Variants in AOPEP observed in about 807,000 individuals in gnomAD.
The protein encoded by AOPEP is aminopeptidase O.
AOPEP carries 77 observed loss-of-function variants against 98.1 expected under a neutral mutation model. The observed-to-expected ratio is 0.78, with a 90% CI of 0.65 to 0.95. The LOEUF is 0.95. Ranked by LOEUF, AOPEP falls within the 40% of genes least tolerant of loss-of-function variation. AOPEP has a pLI of 0.00. For synonymous variants in AOPEP, 346 were observed against 365.3 expected, an observed-to-expected ratio of 0.95 and a Z score of 0.60; for missense variants, 1,024 against 1,024.7, an observed-to-expected ratio of 1.00 and a Z score of 0.01.
At chr9:95,120,346 C>G in the AOPEP span, among the ~76,000 whole-genome samples, 2 of 152,086 alleles carry the variant, frequency 1.3e-5, no homozygotes, top group South Asian at 4.1e-4. Context: ...TATCTGGACT[C>G]AATTCTGATC....
At chr9:94,919,950 G>A (rs1461262937) in intron 5 of AOPEP, among the ~76,000 whole-genome samples, 4 of 152,172 alleles carry the variant, frequency 2.6e-5, no homozygotes, top group Admixed American at 2.6e-4. Flanking sequence ...GTACCAGCTT[G>A]ATAAATGTAA....
chr9:94,734,588 G>C (rs1436961682), intron 1 of AOPEP, among the ~76,000 whole-genome samples: 1 of 152,224 alleles, frequency 6.6e-6, no homozygotes, highest in Non-Finnish European at 1.5e-5. Context: ...GAACTCTACA[G>C]TGGATTTTAA....
chr9:95,121,992 G>A, the AOPEP span, among the ~76,000 whole-genome samples: 1 of 151,700 alleles, frequency 6.6e-6, no homozygotes, highest in African/African-American at 2.4e-5. Flanking sequence ...TGAGTAGCTG[G>A]GACTATAAGC....
At chr9:95,139,841 T>C in the AOPEP span, among the ~76,000 whole-genome samples, 1 of 147,030 alleles carries the variant, frequency 6.8e-6, no homozygotes, top group African/African-American at 2.5e-5. Context: ...TATTTATATA[T>C]ATATATATAT....
At chr9:94,770,226 G>A (rs1438470900) in intron 2 of AOPEP, among the ~76,000 whole-genome samples, 1 of 152,178 alleles carries the variant, frequency 6.6e-6, no homozygotes, top group Non-Finnish European at 1.5e-5. Context: ...GACCCATCCT[G>A]TTCTTCCTTT....
At chr9:94,794,355 G>A (rs568275937) in intron 4 of AOPEP, among the ~76,000 whole-genome samples, 1 of 152,246 alleles carries the variant, frequency 6.6e-6, no homozygotes, top group East Asian at 1.9e-4. Flanking sequence ...AGTACCTTCT[G>A]GTGGAGAAAG....
In AOPEP at chr9:94,849,501, TCTTTC is replaced by T. The variant is rs1180625821; in HGVS notation, c.1364+48500_1364+48504del. 6.6e-4 allele frequency among the ~76,000 whole-genome samples: 45 copies of T among 68,390 alleles called. 1 individual carries two copies. The highest frequency in any genetic ancestry group is 2.1e-3 in the African/African-American group (40 of 19,386). 44.9% of individuals were successfully genotyped at this position (68,390 alleles called of 152,430 possible). On this transcript the variant is annotated intron_variant, in intron 5 of 16. Transcript: ENST00000375315. ...GTAACATTTCTTTTTTTTCTTTCTTTCTTTCTTTTTTTTTTTTTGCAGTAATATCT... is the reference window on the plus strand; with the variant it reads ...GTAACATTTCTTTTTTTTCTTTCTTTTTTTTTTTTTTTTGCAGTAATATCT...
intron 2 of AOPEP, among the ~76,000 whole-genome samples, chr9:94,766,262 G>A (rs1035487477): frequency 6.6e-6 from 1 of 152,080 alleles, no homozygotes; most frequent in Non-Finnish European, 1.5e-5. Flanking sequence ...GCATTGGCCC[G>A]GTGCAGCGGC....
At chr9:94,737,801 T>A (rs916372679) in intron 1 of AOPEP, among the ~76,000 whole-genome samples, 4 of 152,176 alleles carry the variant, frequency 2.6e-5, no homozygotes, top group African/African-American at 7.2e-5. Flanking sequence ...TATCCGTATT[T>A]GGTTGGGGAT....
chr9:94,965,506 T>C (rs932325861), intron 9 of AOPEP, among the ~76,000 whole-genome samples: 1 of 152,248 alleles, frequency 6.6e-6, no homozygotes, highest in African/African-American at 2.4e-5. Context: ...TGTGTGATGA[T>C]AGAAGAAGAA....
chr9:95,128,217 A>C, the AOPEP span, among the ~76,000 whole-genome samples: 3 of 152,376 alleles, frequency 2.0e-5, no homozygotes, highest in South Asian at 6.2e-4. Flanking sequence ...CTATGTATTC[A>C]TAATGAAAAA....
chr9:94,729,615 C>A (rs1830053215), intron 1 of AOPEP, among the ~76,000 whole-genome samples: 2 of 151,100 alleles, frequency 1.3e-5, no homozygotes, highest in South Asian at 4.2e-4. Flanking sequence ...GACCATAGAG[C>A]AGGGAGTCTC....
At chr9:94,947,734 G>C (rs551801805) in intron 7 of AOPEP, among the ~76,000 whole-genome samples, 1 of 152,274 alleles carries the variant, frequency 6.6e-6, no homozygotes, top group East Asian at 1.9e-4. Flanking sequence ...TGGTACCATA[G>C]TACCATTTTC....
At chr9:94,784,061 T>C (rs986010439) in intron 3 of AOPEP, among the ~76,000 whole-genome samples, 1 of 152,218 alleles carries the variant, frequency 6.6e-6, no homozygotes, top group Non-Finnish European at 1.5e-5. Flanking sequence ...ATGGTTTTCA[T>C]AGGAAGAATT....
At chr9:95,064,383 C>T (rs1037313393) in intron 14 of AOPEP, among the ~76,000 whole-genome samples, 3 of 152,230 alleles carry the variant, frequency 2.0e-5, no homozygotes, top group Non-Finnish European at 2.9e-5. Context: ...CAACCTCCAA[C>T]TCCCAGGTTC....
At chr9:94,843,251 T>C (rs2042486131) in intron 5 of AOPEP, among the ~76,000 whole-genome samples, 1 of 152,144 alleles carries the variant, frequency 6.6e-6, no homozygotes, top group Non-Finnish European at 1.5e-5. Flanking sequence ...TTACCTAGCC[T>C]CCCCTTCCTG....
intron 14 of AOPEP, among the ~76,000 whole-genome samples, chr9:95,068,699 T>G (rs1383497985): frequency 6.6e-6 from 1 of 152,186 alleles, no homozygotes; most frequent in Non-Finnish European, 1.5e-5. Context: ...TCATGAAGAT[T>G]TATGCCTGTG....
At chr9:94,790,942 G>A (rs1845575244) in intron 3 of AOPEP, among the ~76,000 whole-genome samples, 1 of 151,956 alleles carries the variant, frequency 6.6e-6, no homozygotes, top group Non-Finnish European at 1.5e-5. Context: ...GCAAGAGAAG[G>A]AATAATAGCT....
intron 4 of AOPEP, among the ~76,000 whole-genome samples, chr9:94,793,757 A>T (rs1266935021): frequency 6.6e-6 from 1 of 152,110 alleles, no homozygotes; most frequent in Non-Finnish European, 1.5e-5. Context: ...AGAAAGAGAG[A>T]AGAAGGTAAG....
Sources: gnomAD v4.1 joint callset for allele counts (sites outside exome capture counted in the v4.1 genomes callset) on GRCh38, gnomAD v4.1.1 for gene constraint, MANE v1.5 for transcripts, NCBI Gene and HGNC (gene_info 2026-07-23, HGNC 2026-07-21) for gene names.